GPC6: variants seen among roughly 807,000 people sequenced by gnomAD.
GPC6 encodes glypican 6, also known as glypican-6.
GPC6 carries 14 observed loss-of-function variants against 55.2 expected under a neutral mutation model. The observed-to-expected ratio is 0.25, with a 90% CI of 0.17 to 0.40. The LOEUF (loss-of-function observed/expected upper bound fraction) is 0.40. Among genes scored for constraint, GPC6 ranks in the 10% least tolerant of loss-of-function variants. GPC6 has a pLI of 1.00. For synonymous variants in GPC6, 278 were observed against 259.6 expected (o/e 1.07, Z -0.68); for missense variants, 641 against 708.5 (o/e 0.90, Z 1.08).
At chr13:93,728,253 G>A (rs951128842) in intron 2 of GPC6, among the ~76,000 whole-genome samples, 3 of 151,718 alleles carry the variant, frequency 2.0e-5, no homozygotes, top group African/African-American at 7.3e-5. Context: ...GTCTTTCTCT[G>A]TCAGTAAGAC....
At chr13:93,530,965 G>A (rs1392255883) in intron 1 of GPC6, among the ~76,000 whole-genome samples, 1 of 152,128 alleles carries the variant, frequency 6.6e-6, no homozygotes, top group Non-Finnish European at 1.5e-5. Context: ...ATTTCCCTCA[G>A]AACTGGAAAG....
At chr13:94,196,195 T>C (rs1224508533) in intron 4 of GPC6, among the ~76,000 whole-genome samples, 1 of 152,046 alleles carries the variant, frequency 6.6e-6, no homozygotes, top group Non-Finnish European at 1.5e-5. Context: ...GTTTTTTTTT[T>C]TTTTCTTAAT....
chr13:93,736,924 A>G lies in GPC6; in HGVS notation c.320-93230A>G, dbSNP rs1884024720. On this transcript the variant is annotated intron_variant, in intron 2 of 8. Coordinates refer to ENST00000377047, the MANE Select transcript of GPC6 (RefSeq NM_005708.5). ...CCACTTCTGTTAGCTAAACTGAGAA[A>G]GGCCACAATTTCCTATTAAGCTTTG... Among the ~76,000 whole-genome samples, 2 of 152,202 alleles carry G rather than the reference A, an allele frequency of 1.3e-5. 1 individual carries two copies. The highest frequency in any genetic ancestry group is 4.1e-4 in the South Asian group (2 of 4,834).
chr13:93,862,402 G>C (rs1888842920), intron 3 of GPC6, among the ~76,000 whole-genome samples: 1 of 151,436 alleles, frequency 6.6e-6, no homozygotes, highest in Non-Finnish European at 1.5e-5. Context: ...TCATATTTAG[G>C]GGGGTTACAT....
intron 3 of GPC6, among the ~76,000 whole-genome samples, chr13:94,017,419 C>T (rs1472493074): frequency 6.6e-6 from 1 of 152,130 alleles, no homozygotes; most frequent in Non-Finnish European, 1.5e-5. Context: ...AGCAACGGTA[C>T]ATCTTACATG....
At chr13:93,537,998 C>T (rs2139422244) in intron 1 of GPC6, among the ~76,000 whole-genome samples, 1 of 152,174 alleles carries the variant, frequency 6.6e-6, no homozygotes, top group Admixed American at 6.5e-5. Flanking sequence ...CACTTTCATA[C>T]TGAGTGAAGG....
intron 6 of GPC6, among the ~76,000 whole-genome samples, chr13:94,329,342 C>T (rs920158865): frequency 4.6e-5 from 7 of 152,138 alleles, no homozygotes; most frequent in Non-Finnish European, 7.4e-5. Flanking sequence ...CAGGGCCCAC[C>T]GCACCCTGGG....
At chr13:94,391,705 A>T (rs1222040868) in intron 7 of GPC6, among the ~76,000 whole-genome samples, 3 of 152,214 alleles carry the variant, frequency 2.0e-5, no homozygotes, top group African/African-American at 7.2e-5. Context: ...CATTAAGTGC[A>T]GTCACGTGGT....
chr13:93,764,772 A>G (rs9524202), intron 2 of GPC6, among the ~76,000 whole-genome samples: 30,697 of 152,090 alleles, frequency 0.2, 3,595 homozygotes, highest in Non-Finnish European at 0.26. Context: ...GAATTAAGTC[A>G]TTCAGAAAAA....
At chr13:93,882,096 TC>T (rs1300000092) in intron 3 of GPC6, among the ~76,000 whole-genome samples, 4 of 151,832 alleles carry the variant, frequency 2.6e-5, no homozygotes, top group Non-Finnish European at 4.4e-5. Flanking sequence ...TTTCTTTCTT[TC>T]TTTTCTTTCG....
At chr13:93,899,474 G>T (rs918650504) in intron 3 of GPC6, among the ~76,000 whole-genome samples, 6 of 151,994 alleles carry the variant, frequency 3.9e-5, no homozygotes, top group Admixed American at 1.3e-4. Flanking sequence ...AATTCCATGG[G>T]GGGAGAGACA....
At chr13:94,363,790 C>T (rs1566721434) in intron 6 of GPC6, among the ~76,000 whole-genome samples, 2 of 152,186 alleles carry the variant, frequency 1.3e-5, no homozygotes, top group South Asian at 4.1e-4. Context: ...GAAACCTGTG[C>T]CATCTAACAT....
At chr13:93,715,012 G>A (rs1380758648) in intron 2 of GPC6, among the ~76,000 whole-genome samples, 1 of 151,556 alleles carries the variant, frequency 6.6e-6, no homozygotes, top group African/African-American at 2.4e-5. Flanking sequence ...AGCAATGAAG[G>A]TCAGTTTTGC....
rs971834696 is a variant in GPC6, at chr13:94,390,390, G to A, written c.1289+7840G>A. On this transcript the variant is annotated intron_variant, in intron 7 of 8. Coordinates refer to ENST00000377047, the MANE Select transcript of GPC6 (RefSeq NM_005708.5). ...CTCACACTGCTATAAAGAAATAACT[G>A]AGAGTGGGTAACTTATAAAGAAAAG... is the stretch of plus-strand genomic sequence containing the variant. Among the ~76,000 whole-genome samples the A allele has an allele frequency of 2.0e-5, 3 of 152,302 alleles. No individual in the cohort carries two copies. In the South Asian group the frequency reaches 6.2e-4, roughly 32 times the overall value.
intron 1 of GPC6, among the ~76,000 whole-genome samples, chr13:93,345,623 A>T (rs1880401054): frequency 6.6e-6 from 1 of 152,202 alleles, no homozygotes; most frequent in African/African-American, 2.4e-5. Context: ...AGAGTCATTC[A>T]TTGGAGTTTC....
intron 7 of GPC6, among the ~76,000 whole-genome samples, chr13:94,386,130 C>A (rs565184103): frequency 6.6e-6 from 1 of 151,226 alleles, no homozygotes; most frequent in Non-Finnish European, 1.5e-5. Context: ...GAGGCCAAGG[C>A]GGGCGGATGA....
chr13:94,122,042 G>A (rs1395292379), intron 4 of GPC6, among the ~76,000 whole-genome samples: 3 of 152,054 alleles, frequency 2.0e-5, no homozygotes, highest in African/African-American at 4.8e-5. Flanking sequence ...AGTTTATGGG[G>A]CACCCTAAAA....
intron 4 of GPC6, among the ~76,000 whole-genome samples, chr13:94,093,953 A>C (rs1885582850): frequency 6.6e-6 from 1 of 152,098 alleles, no homozygotes; most frequent in Admixed American, 6.6e-5. Flanking sequence ...CTGCAATCTA[A>C]ATGTATTCAT....
chr13:93,299,952 G>A (rs555548562), intron 1 of GPC6, among the ~76,000 whole-genome samples: 3 of 152,296 alleles, frequency 2.0e-5, no homozygotes, highest in East Asian at 3.9e-4. Context: ...ATCAAGGATA[G>A]TATCTAGCAG....
Sources: gnomAD v4.1 joint callset for allele counts (sites outside exome capture counted in the v4.1 genomes callset) on GRCh38, gnomAD v4.1.1 for gene constraint, MANE v1.5 for transcripts, NCBI Gene and HGNC (gene_info 2026-07-23, HGNC 2026-07-21) for gene names.